The following CD163L1 variants were observed in gnomAD, a reference collection of about 807,000 sequenced individuals.
CD163L1 encodes CD163 molecule like 1.
CD163L1 carries 124 observed loss-of-function variants against 165.4 expected under a neutral mutation model. The ratio of observed to expected loss-of-function variants is 0.75; its 90% CI spans 0.65 to 0.87. The LOEUF is 0.87. CD163L1 is among the 40% of genes least tolerant of loss of function. The probability of loss-of-function intolerance (pLI) is 0.00; values close to 1 mark genes in which losing one functional copy is unlikely to be tolerated. For missense variants in CD163L1, 1,525 were observed against 1,799.9 expected, an observed-to-expected ratio of 0.85 and a Z score of 2.76; for synonymous variants, 585 against 662.2, an observed-to-expected ratio of 0.88 and a Z score of 1.79.
At chr12:7,344,940 G>A (rs768450580), downstream of CD163L1, among the ~76,000 whole-genome samples, 17 of 152,192 alleles carry the variant, frequency 1.1e-4, no homozygotes, top group Non-Finnish European at 1.9e-4. Flanking sequence ...CCTGGGCCTG[G>A]CCCCTGAAAC....
intron 2 of CD163L1, chr12:7,440,081 C>A (rs923881575): frequency 4.0e-6 from 4 of 1,002,866 alleles, no homozygotes; most frequent in Non-Finnish European, 6.1e-6. Context: ...TCCACATCAG[C>A]GGCGTAACGG....
intron 4 of CD163L1, among the ~76,000 whole-genome samples, chr12:7,418,860 A>T (rs778187902): frequency 5.3e-5 from 8 of 152,044 alleles, no homozygotes; most frequent in Non-Finnish European, 1.2e-4. Context: ...GACCAATAGC[A>T]AGCAGTGATA....
intron 8 of CD163L1, among the ~76,000 whole-genome samples, chr12:7,382,748 C>G (rs1184494863): frequency 1.3e-5 from 2 of 152,140 alleles, no homozygotes; most frequent in African/African-American, 4.8e-5. Flanking sequence ...AGCATGGCAC[C>G]ATTTTGAGAG....
chr12:7,326,243 C>T, the CD163L1 span, among the ~76,000 whole-genome samples: 3 of 152,224 alleles, frequency 2.0e-5, no homozygotes, highest in Admixed American at 2.0e-4. Context: ...TGCTCTGTCA[C>T]CCAGGGTGGA....
the CD163L1 span, among the ~76,000 whole-genome samples, chr12:7,336,416 C>T: frequency 6.6e-6 from 1 of 152,084 alleles, no homozygotes; most frequent in Non-Finnish European, 1.5e-5. Flanking sequence ...GGACAAAAAA[C>T]CAAACACCAC....
chr12:7,390,422 A>G (rs1314205409), intron 8 of CD163L1, among the ~76,000 whole-genome samples: 1 of 152,204 alleles, frequency 6.6e-6, no homozygotes, highest in Non-Finnish European at 1.5e-5. Flanking sequence ...CCCTGAGTTG[A>G]TCATTTACAC....
At chr12:7,390,714 A>G (rs186268779) in intron 8 of CD163L1, among the ~76,000 whole-genome samples, 79 of 152,354 alleles carry the variant, frequency 5.2e-4, no homozygotes, top group Non-Finnish European at 9.4e-4. Flanking sequence ...TCTTTAAAAT[A>G]TAATTTAATA....
At chr12:7,421,489 A>ATACACATATG (rs1948406050) in intron 4 of CD163L1, among the ~76,000 whole-genome samples, 1 of 113,624 alleles carries the variant, frequency 8.8e-6, no homozygotes, top group African/African-American at 4.3e-5. Flanking sequence ...ATGTACATAT[A>ATACACATATG]TACATATATG....
the CD163L1 span, among the ~76,000 whole-genome samples, chr12:7,329,336 A>ATTTTTTTTTTTTTT: frequency 7.2e-6 from 1 of 139,070 alleles, no homozygotes; most frequent in African/African-American, 2.7e-5. Context: ...ACCATATTTA[A>ATTTTTTTTTTTTTT]TTTTTTTTTC....
the CD163L1 span, among the ~76,000 whole-genome samples, chr12:7,340,020 T>C: frequency 1.3e-5 from 2 of 152,140 alleles, no homozygotes; most frequent in African/African-American, 4.8e-5. Flanking sequence ...GTTGTGTATA[T>C]TATGGAACCT....
At chr12:7,396,695 G>A (rs1428840261) in intron 7 of CD163L1, among the ~76,000 whole-genome samples, 1 of 152,154 alleles carries the variant, frequency 6.6e-6, no homozygotes, top group Non-Finnish European at 1.5e-5. Flanking sequence ...GCACTTTCTT[G>A]AGATTCAAGA....
At chr12:7,430,942 A>G (rs1948617290) in intron 4 of CD163L1, among the ~76,000 whole-genome samples, 1 of 152,154 alleles carries the variant, frequency 6.6e-6, no homozygotes. Flanking sequence ...ATATTACTAT[A>G]AAGTCAACTA....
At chr12:7,397,555 C>G (rs1195318655) in intron 7 of CD163L1, among the ~76,000 whole-genome samples, 1 of 152,184 alleles carries the variant, frequency 6.6e-6, no homozygotes, top group Non-Finnish European at 1.5e-5. Flanking sequence ...TCTACTGTTT[C>G]TCCTTTAACA....
At chr12:7,396,838 T>C (rs1000419615) in intron 7 of CD163L1, among the ~76,000 whole-genome samples, 2 of 149,998 alleles carry the variant, frequency 1.3e-5, no homozygotes, top group African/African-American at 2.4e-5. Flanking sequence ...TCTACATACA[T>C]ACATATGCAC....
At chr12:7,327,729 T>G in the CD163L1 span, among the ~76,000 whole-genome samples, 1 of 152,194 alleles carries the variant, frequency 6.6e-6, no homozygotes, top group Non-Finnish European at 1.5e-5. Flanking sequence ...CTCCATTAAA[T>G]TCACTAAATC....
At chr12:7,346,824 C>T (rs899043413) in exon 5 of CD163L1, 6 of 152,104 alleles carry the variant, frequency 3.9e-5, no homozygotes, top group Admixed American at 6.5e-5. Context: ...AAGATCCTTG[C>T]GAAACCGTAT....
chr12:7,415,791 T>C (rs1323398323), intron 4 of CD163L1, among the ~76,000 whole-genome samples: 3 of 152,210 alleles, frequency 2.0e-5, no homozygotes, highest in African/African-American at 7.2e-5. Flanking sequence ...TTCCATGGTG[T>C]ATACGTGCCA....
chr12:7,323,661 T>C, the CD163L1 span: 12 of 1,008,666 alleles, frequency 1.2e-5, no homozygotes, highest in Admixed American at 6.5e-5. Context: ...CAACAAAATC[T>C]TTCACAACTG....
intron 19 of CD163L1, among the ~76,000 whole-genome samples, chr12:7,356,727 G>T (rs1946781193): frequency 6.6e-6 from 1 of 152,108 alleles, no homozygotes; most frequent in Non-Finnish European, 1.5e-5. Context: ...CACTCTAACT[G>T]AGAGAAAGCA....
Sources: allele counts gnomAD v4.1 joint callset (sites outside exome capture counted in the v4.1 genomes callset), GRCh38; gene constraint gnomAD v4.1.1; transcripts MANE v1.5; gene names NCBI Gene and HGNC (gene_info 2026-07-23, HGNC 2026-07-21).